CPA1: variants seen among roughly 807,000 people sequenced by gnomAD.
CPA1 encodes the protein carboxypeptidase A1 (pancreatic).
CPA1 carries 42 observed loss-of-function variants against 48.7 expected under a neutral mutation model. The observed-to-expected ratio is 0.86, with a 90% CI of 0.67 to 1.11. The LOEUF is 1.11. Ranked by LOEUF, CPA1 falls within the 50% of genes most tolerant of loss-of-function variation. The pLI is 0.00. For missense variants in CPA1, 477 were observed against 544.7 expected (o/e 0.88, Z 1.24); for synonymous variants, 203 against 217.9 (o/e 0.93, Z 0.60).
chr7:130,384,558 G>A lies in CPA1; in HGVS notation c.719G>A (p.Arg240Gln), dbSNP rs781968100. ...CAGAATCGCATGTGGCGCAAGACTC[G>A]GTCCCACACAGCAGGCTCCCTCTGT... is the stretch of plus-strand genomic sequence containing the variant. ...HSTNRMWRKT[R>Q]SHTAGSLCIG... The change falls in exon 7 of 10, where the codon CGG becomes CAG. Residue 240 changes from arginine (R) to glutamine (Q), a missense_variant. Arg to Gln is a conservative substitution (Grantham distance 43, BLOSUM62 1). Transcript: ENST00000011292. The A allele has an allele frequency of 6.8e-6, 11 of 1,614,216 alleles. No individual in the cohort carries two copies. Among genetic ancestry groups the A allele is most frequent in the East Asian group, 4.5e-5 (2 of 44,888 alleles).
intron 9 of CPA1, 137 bp downstream of exon 9, chr7:130,386,060 AGGGGTG>A: frequency 1.5e-6 from 1 of 651,546 alleles, no homozygotes; most frequent in East Asian, 2.7e-5. Context: ...GGCTATTCTG[AGGGGTG>A]GGCAGTCCCT....
At position 130,382,135 on chromosome 7, in the gene CPA1, G is replaced by A. The variant is rs1418197645; in HGVS notation, c.409G>A (p.Ala137Thr). Residue 137 changes from alanine (A) to threonine (T), a missense_variant, in exon 4 of 10, where the codon GCG (alanine) becomes ACG (threonine). Physicochemically the swap from Ala to Thr is moderately conservative, Grantham distance 58. Transcript: ENST00000011292. ...CTATGACTTCCTGGACCTGCTGGTG[G>A]CGGAGAACCCGCACCTTGTCAGCAA... The part of the protein sequence containing the change: ...EIYDFLDLLV[A>T]ENPHLVSKIQ... 4.3e-6 allele frequency: 7 copies of A among 1,614,232 alleles called. No individual in the cohort carries two copies. Among genetic ancestry groups the A allele is most frequent in the Non-Finnish European group, 5.9e-6 (7 of 1,180,028 alleles).
intron 8 of CPA1, 117 bp downstream of exon 8, chr7:130,385,462 C>G: frequency 1.1e-6 from 1 of 930,560 alleles, no homozygotes; most frequent in Non-Finnish European, 1.7e-6. Context: ...GACACCCTTC[C>G]TTCCCTGATG....
intron 2 of CPA1, 76 bp from the exon 3 acceptor site, chr7:130,381,554 C>A: frequency 1.8e-6 from 2 of 1,101,250 alleles, no homozygotes; most frequent in South Asian, 1.3e-5. Context: ...CCCTCCCACG[C>A]AGGCCCTGTC....
intron 6 of CPA1, 186 bp from the exon 7 acceptor site, chr7:130,384,350 G>T: frequency 1.7e-6 from 1 of 597,680 alleles, no homozygotes; most frequent in South Asian, 2.0e-5. Context: ...GCTGGGAGTG[G>T]ATCCCATCCC....
At position 130,382,103 on chromosome 7, in the gene CPA1, C is replaced by T. The variant is rs782366383; in HGVS notation, c.382-5C>T. 2 of 1,613,038 alleles carry T rather than the reference C, an allele frequency of 1.2e-6. No homozygotes were observed. Among genetic ancestry groups the T allele is most frequent in the Non-Finnish European group, 1.7e-6 (2 of 1,179,078 alleles). On this transcript the variant is annotated splice_polypyrimidine_tract_variant and splice_region_variant and intron_variant, in intron 3 of 9. Coordinates refer to ENST00000011292, the MANE Select transcript of CPA1 (RefSeq NM_001868.4). The stretch of plus-strand genomic sequence containing the variant: ...AGGCCAGTGGTCTCTTCTTTCACAC[C>T]TCAGATCTATGACTTCCTGGACCTG...
Position 130,384,015 on chromosome 7 carries a change from C to T in CPA1, c.696+221C>T. The T allele has an allele frequency of 5.2e-6, 3 of 580,496 alleles. No individual in the cohort carries two copies. The South Asian group carries it at 6.1e-5, about 12-fold the overall frequency. 36.0% of individuals were successfully genotyped at this position (580,496 alleles called of 1,614,324 possible). ...GTGCATCCACGGTGTTTCTAGCATC[C>T]TAACCTTACACCCATTCAATGCCAG... On this transcript the variant is annotated intron_variant, in intron 6 of 9. Coordinates refer to ENST00000011292, the MANE Select transcript of CPA1 (RefSeq NM_001868.4).
At chr7:130,384,164 C>A in intron 6 of CPA1, 1 of 430,090 alleles carries the variant, frequency 2.3e-6, no homozygotes, top group Non-Finnish European at 4.2e-6. Flanking sequence ...CCTGGTCCTA[C>A]TTCTATTTTT....
rs782053370 is a variant in CPA1 at position 130,381,691 on chromosome 7, C to G, written c.209C>G (p.Pro70Arg). The G allele has an allele frequency of 6.2e-7, 1 of 1,614,152 alleles. No individual in the cohort carries two copies. The highest frequency in any genetic ancestry group is 1.1e-5 in the South Asian group (1 of 91,082). Residue 70 changes from proline (P) to arginine (R), a missense_variant, in exon 3 of 10, where the codon CCC becomes CGC. Transcript: ENST00000011292. ...CCCATCGACGTCCGAGTGCCCTTCC[C>G]CAGCATCCAGGCGGTCAAGATCTTT... ...GSPIDVRVPF[P>R]SIQAVKIFLE... is the part of the protein sequence containing the mutation.
Position 130,381,612 on chromosome 7 carries a change from G to T in CPA1, c.148-18G>T, listed in dbSNP as rs376743118. The T allele has an allele frequency of 1.7e-5, 27 of 1,603,434 alleles. No individual in the cohort carries two copies. The highest frequency in any genetic ancestry group is 2.7e-5 in the African/African-American group (2 of 74,672). On this transcript the variant is annotated intron_variant, in intron 2 of 9. Coordinates refer to ENST00000011292, the MANE Select transcript of CPA1 (RefSeq NM_001868.4). ...GCCCCCAGCCCGCTGTGACCGTGCC[G>T]GCTCTTGTCCTCCCCAGCTGGACTT... is the stretch of plus-strand genomic sequence containing the variant.
rs1233910883 is a variant in CPA1, at chr7:130,380,526, G to A, written c.6G>A (p.Arg2=). 7.6e-7 allele frequency: 1 copy of A among 1,315,454 alleles called. No homozygotes were observed. Among genetic ancestry groups the A allele is most frequent in the Non-Finnish European group, 9.8e-7 (1 of 1,023,954 alleles). The allele number at this position is 1,315,454 out of a possible 1,614,324, so 81.5% of individuals were successfully genotyped here. Residue 2 remains arginine (R), a synonymous_variant, in exon 1 of 10, where the codon CGG becomes CGA. Coordinates refer to ENST00000011292, the MANE Select transcript of CPA1 (RefSeq NM_001868.4). M[R]GLLVLSVLLG... is the part of the protein sequence containing the mutation. ...CCTTCCCTCCCGGCAGCAGCATGCGGGGGTTGCTGGTGTTGAGTGTCCTGT... is the reference window on the plus strand; with the variant it reads ...CCTTCCCTCCCGGCAGCAGCATGCGAGGGTTGCTGGTGTTGAGTGTCCTGT...
chr7:130,384,368 G>GCC, intron 6 of CPA1, 168 bp from the exon 7 acceptor site: 1 of 610,886 alleles, frequency 1.6e-6, no homozygotes, highest in Admixed American at 2.8e-5. Context: ...CCCAAGCTGT[G>GCC]CCTGCAGCTC....
Position 130,381,632 on chromosome 7 carries a change from G to A in CPA1, c.150G>A (p.Leu50=). 1 of 1,612,978 alleles carries A rather than the reference G, an allele frequency of 6.2e-7. No individual in the cohort carries two copies. Among genetic ancestry groups the A allele is most frequent in the Non-Finnish European group, 8.5e-7 (1 of 1,179,376 alleles). Residue 50 remains leucine, a splice_region_variant and synonymous_variant, in exon 3 of 10, where the codon CTG becomes CTA. Transcript: ENST00000011292. ...GTGCCGGCTCTTGTCCTCCCCAGCT[G>A]GACTTCTGGCGGGGGCCTGCCCACC... ...KELEDLEHLQ[L]DFWRGPAHPG...
At chr7:130,386,329 G>T (rs1796474060) in intron 9 of CPA1, among the ~76,000 whole-genome samples, 1 of 152,012 alleles carries the variant, frequency 6.6e-6, no homozygotes, top group East Asian at 1.9e-4. Flanking sequence ...TCAGGAGATA[G>T]AGACCATCCT....
intron 4 of CPA1, 76 bp from the exon 5 acceptor site, chr7:130,383,315 G>A (rs1025337129): frequency 4.3e-6 from 5 of 1,150,016 alleles, no homozygotes; most frequent in South Asian, 2.6e-5. Context: ...GGCCCAGGTC[G>A]GGGTCTCCTT....
At chr7:130,384,977 T>A in intron 7 of CPA1, 169 bp from the exon 8 acceptor site, 1 of 679,290 alleles carries the variant, frequency 1.5e-6, no homozygotes, top group Middle Eastern at 4.1e-4. Context: ...CAAACCAGGC[T>A]GGGAGGGCAG....
chr7:130,382,170 T>C lies in CPA1; in HGVS notation c.444T>C (p.Ile148=). 1 of 1,614,236 alleles carries C rather than the reference T, an allele frequency of 6.2e-7. No homozygotes were observed. The highest frequency in any genetic ancestry group is 8.5e-7 in the Non-Finnish European group (1 of 1,180,024). Residue 148 remains isoleucine (I), a synonymous_variant, in exon 4 of 10, where the codon ATT becomes ATC. Coordinates refer to ENST00000011292, the MANE Select transcript of CPA1 (RefSeq NM_001868.4). ...ENPHLVSKIQ[I]GNTYEGRPIY... ...CGCACCTTGTCAGCAAGATCCAGATTGGCAACACCTATGAAGGGCGTCCCA... is the reference window on the plus strand; with the variant it reads ...CGCACCTTGTCAGCAAGATCCAGATCGGCAACACCTATGAAGGGCGTCCCA...
intron 1 of CPA1, 165 bp from the exon 2 acceptor site, chr7:130,380,933 C>A: frequency 1.6e-6 from 1 of 640,914 alleles, no homozygotes; most frequent in Non-Finnish European, 2.9e-6. Context: ...TGAGGGAGCC[C>A]AGGCCTCTCC....
At chr7:130,382,951 T>A (rs527723619) in intron 4 of CPA1, among the ~76,000 whole-genome samples, 3 of 151,846 alleles carry the variant, frequency 2.0e-5, no homozygotes, top group Middle Eastern at 3.4e-3. Flanking sequence ...CCAATAATTT[T>A]TATATTTTTA....
Sources: allele counts gnomAD v4.1 joint callset (sites outside exome capture counted in the v4.1 genomes callset), GRCh38; gene constraint gnomAD v4.1.1; transcripts MANE v1.5; gene names NCBI Gene and HGNC (gene_info 2026-07-23, HGNC 2026-07-21).